The following FOXP2 variants were observed in gnomAD, a reference collection of about 807,000 sequenced individuals.
FOXP2 encodes forkhead box protein P2.
Under a neutral mutation model 115.8 loss-of-function variants are expected in FOXP2, and 12 were observed. That is an observed-to-expected ratio of 0.10 (90% CI 0.07 to 0.17). FOXP2 has a LOEUF of 0.17. FOXP2 is among the 10% of genes least tolerant of loss of function. The pLI, the probability that FOXP2 is intolerant of heterozygous loss-of-function variation, is 1.00. For missense variants in FOXP2, 629 were observed against 843.5 expected, an observed-to-expected ratio of 0.75 and a Z score of 3.15; for synonymous variants, 328 against 297.7, an observed-to-expected ratio of 1.10 and a Z score of -1.05.
chr7:114,535,408 C>T (rs1799334614), intron 3 of FOXP2, among the ~76,000 whole-genome samples: 1 of 151,496 alleles, frequency 6.6e-6, no homozygotes, highest in South Asian at 2.1e-4. Context: ...TTGCATAAAA[C>T]ATCTCTCAAA....
In FOXP2 at chr7:114,312,891, G is replaced by A. The variant is rs552389738; in HGVS notation, c.-11+24782G>A. Among the ~76,000 whole-genome samples, 3 of 152,204 alleles carry A rather than the reference G, an allele frequency of 2.0e-5. No homozygotes were observed. In the South Asian group the frequency reaches 6.2e-4, roughly 32 times the overall value. ...AACACAACCCTGATAAATGGCCTGG[G>A]GCAAGAGCAATCAAGGGCTTCTTGG... On this transcript the variant is annotated intron_variant, in intron 2 of 17. Transcript: ENST00000634411.
chr7:114,303,745 T>C (rs958549592), intron 2 of FOXP2, among the ~76,000 whole-genome samples: 7 of 152,160 alleles, frequency 4.6e-5, no homozygotes. Flanking sequence ...CTCATTTCTT[T>C]ACAGTTTAGT....
chr7:114,655,563 G>A (rs541570984), intron 10 of FOXP2, among the ~76,000 whole-genome samples: 60 of 152,096 alleles, frequency 3.9e-4, no homozygotes, highest in Non-Finnish European at 1.9e-4. Flanking sequence ...GCCTCAGATC[G>A]GTTTGAAAGA....
intron 1 of FOXP2, among the ~76,000 whole-genome samples, chr7:114,130,639 T>C (rs1791848490): frequency 6.6e-6 from 1 of 152,214 alleles, no homozygotes; most frequent in Non-Finnish European, 1.5e-5. Flanking sequence ...TTAATATATT[T>C]ATGGGTTTAA....
intron 3 of FOXP2, among the ~76,000 whole-genome samples, chr7:114,626,436 G>A (rs528772232): frequency 1.3e-5 from 2 of 151,756 alleles, no homozygotes; most frequent in Non-Finnish European, 3.0e-5. Context: ...ATAATTAAGG[G>A]ATAATTAAAA....
At chr7:114,426,152 T>C (rs1562919019) in intron 1 of FOXP2, among the ~76,000 whole-genome samples, 1 of 151,640 alleles carries the variant, frequency 6.6e-6, no homozygotes. Context: ...AGGTAGATAA[T>C]AGGAAACAGA....
At chr7:114,279,344 T>A (rs1562850982) in intron 1 of FOXP2, among the ~76,000 whole-genome samples, 3 of 152,206 alleles carry the variant, frequency 2.0e-5, no homozygotes, top group Non-Finnish European at 1.5e-5. Context: ...CAACAACTGA[T>A]AGAACATGAA....
chr7:114,489,182 T>A (rs989423544), intron 2 of FOXP2, among the ~76,000 whole-genome samples: 4 of 152,172 alleles, frequency 2.6e-5, no homozygotes, highest in African/African-American at 9.7e-5. Context: ...AAGACATATA[T>A]CTTTTTGTAA....
chr7:114,418,748 G>A (rs147255827), intron 1 of FOXP2, among the ~76,000 whole-genome samples: 58 of 151,728 alleles, frequency 3.8e-4, no homozygotes, highest in African/African-American at 5.8e-4. Context: ...GGATTCAGGC[G>A]TATATCTTTC....
intron 13 of FOXP2, among the ~76,000 whole-genome samples, chr7:114,661,399 T>C (rs1484256888): frequency 1.3e-5 from 2 of 152,060 alleles, no homozygotes; most frequent in Non-Finnish European, 2.9e-5. Context: ...TGCATAATCA[T>C]TATGGGAAGA....
intron 2 of FOXP2, among the ~76,000 whole-genome samples, chr7:114,345,438 C>A (rs1478821397): frequency 6.6e-6 from 1 of 151,798 alleles, no homozygotes; most frequent in African/African-American, 2.4e-5. Flanking sequence ...TAAGCTTAAA[C>A]TAAAACTTCT....
chr7:114,483,432 A>G (rs1279926921), intron 2 of FOXP2, among the ~76,000 whole-genome samples: 1 of 151,584 alleles, frequency 6.6e-6, no homozygotes, highest in Non-Finnish European at 1.5e-5. Flanking sequence ...GCTTCTAAAT[A>G]TTGTGCTCAG....
chr7:114,567,306 T>C (rs924247438), intron 3 of FOXP2, among the ~76,000 whole-genome samples: 2 of 152,112 alleles, frequency 1.3e-5, no homozygotes, highest in African/African-American at 2.4e-5. Context: ...ACATATTTAA[T>C]AACCATATGA....
intron 8 of FOXP2, among the ~76,000 whole-genome samples, chr7:114,649,640 A>T (rs533408298): frequency 6.6e-6 from 1 of 152,100 alleles, no homozygotes; most frequent in Non-Finnish European, 1.5e-5. Context: ...GTCTTATTAC[A>T]TTGTATTTAT....
chr7:114,461,808 C>T (rs1257941809), intron 2 of FOXP2, among the ~76,000 whole-genome samples: 1 of 152,086 alleles, frequency 6.6e-6, no homozygotes, highest in African/African-American at 2.4e-5. Flanking sequence ...TGTTTTCCCT[C>T]AACCTGCTTC....
chr7:114,521,825 T>C (rs1054230031), intron 2 of FOXP2, among the ~76,000 whole-genome samples: 1 of 152,166 alleles, frequency 6.6e-6, no homozygotes, highest in African/African-American at 2.4e-5. Flanking sequence ...CTACAGTCAT[T>C]AGTGTAAAGG....
In FOXP2 at chr7:114,147,702, T is replaced by C. The variant is rs879147763; in HGVS notation, c.-246-15242T>C. On this transcript the variant is annotated intron_variant, in intron 1 of 19. Transcript: ENST00000635638. ...GAAAAATAATTTAATTTAAAACATA[T>C]CTTCCAAAGAAAAATGAGCTAGTTT... Among the ~76,000 whole-genome samples, 3 of 152,326 alleles carry C rather than the reference T, an allele frequency of 2.0e-5. No individual in the cohort carries two copies. The East Asian group carries it at 5.8e-4, about 29-fold the overall frequency.
rs748635208 is a variant in FOXP2 at position 114,662,057 on chromosome 7, T to G, written c.1648-8T>G. 1 of 1,612,516 alleles carries G rather than the reference T, an allele frequency of 6.2e-7. No individual in the cohort carries two copies. The highest frequency in any genetic ancestry group is 2.2e-5 in the East Asian group (1 of 44,810). ...TTGCCATTTTTTCTTCTCTTCTGTC[T>G]GCTTTAGAATGCAGTACGTCATAAT... On this transcript the variant is annotated splice_polypyrimidine_tract_variant and splice_region_variant and intron_variant, in intron 13 of 16. Coordinates refer to ENST00000350908, the MANE Select transcript of FOXP2 (RefSeq NM_014491.4).
chr7:114,242,973 G>T (rs930609988), intron 1 of FOXP2, among the ~76,000 whole-genome samples: 1 of 152,180 alleles, frequency 6.6e-6, no homozygotes, highest in African/African-American at 2.4e-5. Flanking sequence ...GGACTCAGAA[G>T]AGAATCCTGT....
Sources: allele counts gnomAD v4.1 joint callset (sites outside exome capture counted in the v4.1 genomes callset), GRCh38; gene constraint gnomAD v4.1.1; transcripts MANE v1.5; gene names NCBI Gene and HGNC (gene_info 2026-07-23, HGNC 2026-07-21).